CDC14A: variants seen among roughly 807,000 people sequenced by gnomAD.
The protein encoded by CDC14A is dual specificity protein phosphatase CDC14A.
In CDC14A, 53 loss-of-function variants were observed where a neutral mutation model predicts 74.4. The ratio of observed to expected loss-of-function variants is 0.71; its 90% confidence interval spans 0.57 to 0.89. The LOEUF is 0.89. Ranked by LOEUF, CDC14A falls within the 40% of genes least tolerant of loss-of-function variation. The pLI, the probability that CDC14A is intolerant of heterozygous loss-of-function variation, is 0.00. For synonymous variants in CDC14A, 247 were observed against 258.4 expected (o/e 0.96, Z 0.43); for missense variants, 646 against 713.7 (o/e 0.91, Z 1.08).
chr1:100,511,481 C>G (rs757382536), intron 15 of CDC14A, among the ~76,000 whole-genome samples: 1 of 152,218 alleles, frequency 6.6e-6, no homozygotes, highest in East Asian at 1.9e-4. Flanking sequence ...CTTACATTGG[C>G]TCTTTCTCTT....
At chr1:100,356,692 A>G (rs890010936) in intron 2 of CDC14A, among the ~76,000 whole-genome samples, 1 of 151,848 alleles carries the variant, frequency 6.6e-6, no homozygotes, top group Non-Finnish European at 1.5e-5. Context: ...CGTCTCTACT[A>G]AAAATACAAA....
At position 100,419,074 on chromosome 1, in the gene CDC14A, T is replaced by C. The variant is rs140039624; in HGVS notation, c.310-5148T>C. On this transcript the variant is annotated intron_variant, in intron 4 of 15. Coordinates refer to ENST00000336454, the MANE Select transcript of CDC14A (RefSeq NM_003672.4). ...GGTGGTGTGTACCTGTAGTCCTAGCTACTTGGGAGGCTGAGGTGGGAGGAT... is the reference window on the plus strand; with the variant it reads ...GGTGGTGTGTACCTGTAGTCCTAGCCACTTGGGAGGCTGAGGTGGGAGGAT... 2.3e-4 allele frequency among the ~76,000 whole-genome samples: 35 copies of C among 152,270 alleles called. No homozygotes were observed. The East Asian group carries it at 6.8e-3, about 29-fold the overall frequency.
rs767077478 is a variant in CDC14A, at chr1:100,368,659, A to G, written c.141-8887A>G. On this transcript the variant is annotated intron_variant, in intron 2 of 15. Transcript: ENST00000336454. ...GTATACAAGCATATTTTGTGATGCT[A>G]AGGTTTGGGGTATAAATGATCCTGT... 3.3e-5 allele frequency among the ~76,000 whole-genome samples: 5 copies of G among 152,262 alleles called. No individual in the cohort carries two copies. In the South Asian group the frequency reaches 1.0e-3, roughly 32 times the overall value.
At chr1:100,419,222 C>A (rs1661945947) in intron 4 of CDC14A, among the ~76,000 whole-genome samples, 1 of 152,126 alleles carries the variant, frequency 6.6e-6, no homozygotes, top group Non-Finnish European at 1.5e-5. Flanking sequence ...CTGACTGTGA[C>A]TGTGAAGAGA....
chr1:100,461,153 A>G (rs1667276814), intron 8 of CDC14A, among the ~76,000 whole-genome samples: 1 of 152,254 alleles, frequency 6.6e-6, no homozygotes. Flanking sequence ...TGGAGTTAGC[A>G]GAACCTGCTC....
At position 100,353,775 on chromosome 1, in the gene CDC14A, T is replaced by A; in HGVS notation, c.63T>A (p.Phe21Leu). The change falls in exon 2 of 16, where the codon TTT (phenylalanine) becomes TTA (leucine). Residue 21 changes from phenylalanine to leucine, a missense_variant. Transcript: ENST00000336454. ...CTTGTCTTTCAGATCGGTTATATTTTGCTACTTTAAGGAATAGACCAAAAA... is the reference window on the plus strand; with the variant it reads ...CTTGTCTTTCAGATCGGTTATATTTAGCTACTTTAAGGAATAGACCAAAAA... ...ACEFMKDRLY[F>L]ATLRNRPKST... is the part of the protein sequence containing the mutation. The A allele has an allele frequency of 6.3e-7, 1 of 1,588,628 alleles. No individual in the cohort carries two copies. Among genetic ancestry groups the A allele is most frequent in the Non-Finnish European group, 8.6e-7 (1 of 1,158,956 alleles).
intron 10 of CDC14A, among the ~76,000 whole-genome samples, chr1:100,482,261 A>C (rs1020999443): frequency 1.3e-5 from 2 of 152,146 alleles, no homozygotes; most frequent in African/African-American, 2.4e-5. Flanking sequence ...TTGTTCCTAA[A>C]GACTCTTAAA....
intron 8 of CDC14A, among the ~76,000 whole-genome samples, chr1:100,458,432 T>C (rs1039027780): frequency 6.6e-6 from 1 of 152,212 alleles, no homozygotes; most frequent in African/African-American, 2.4e-5. Flanking sequence ...CCTGTCATAT[T>C]GACATAAAAA....
intron 4 of CDC14A, among the ~76,000 whole-genome samples, chr1:100,414,583 T>A (rs1236860104): frequency 1.3e-5 from 2 of 152,198 alleles, no homozygotes; most frequent in African/African-American, 4.8e-5. Context: ...TGGAAAGTTT[T>A]ATGAAATGAA....
At chr1:100,394,879 A>T (rs1415670935) in intron 4 of CDC14A, among the ~76,000 whole-genome samples, 1 of 152,236 alleles carries the variant, frequency 6.6e-6, no homozygotes, top group Non-Finnish European at 1.5e-5. Flanking sequence ...CTTGTAAGAT[A>T]GTCAATAATA....
At chr1:100,351,546 T>C (rs1650998172), upstream of CDC14A, among the ~76,000 whole-genome samples, 1 of 152,204 alleles carries the variant, frequency 6.6e-6, no homozygotes, top group Non-Finnish European at 1.5e-5. Flanking sequence ...CTGGAGCGCT[T>C]CAGCTGAGAC....
At position 100,499,052 on chromosome 1, in the gene CDC14A, C is replaced by T. The variant is rs760421380; in HGVS notation, c.1545C>T (p.Asn515=). ...GCTTCACAGCCAGCCCGTTTACCAA[C>T]CTCTTGAATGGCAGCTCCCAGCCAA... ...KAGFTASPFT[N]LLNGSSQPTT... The change falls in exon 15 of 16, where the codon AAC becomes AAT. Residue 515 remains asparagine, a synonymous_variant. Transcript: ENST00000336454. 3.1e-6 allele frequency: 5 copies of T among 1,614,178 alleles called. No homozygotes were observed. The East Asian group carries it at 1.1e-4, about 36-fold the overall frequency.
chr1:100,484,445 T>C lies in CDC14A; in HGVS notation c.1131T>C (p.Phe377=). The C allele has an allele frequency of 6.3e-7, 1 of 1,597,890 alleles. No individual in the cohort carries two copies. The highest frequency in any genetic ancestry group is 1.1e-5 in the South Asian group (1 of 87,510). The change falls in exon 11 of 16, where the codon TTT becomes TTC. Residue 377 remains phenylalanine, a synonymous_variant. Transcript: ENST00000336454. ...NLSKTQNMER[F]GEDNLEDDDV... The stretch of plus-strand genomic sequence containing the variant: ...CAAAAACACAAAACATGGAACGATT[T>C]GGAGAGGTAAGTTTTCCCTAGGAGA...
In CDC14A at chr1:100,473,531, C is replaced by T. The variant is rs144682244; in HGVS notation, c.977+5437C>T. Among the ~76,000 whole-genome samples the T allele has an allele frequency of 2.9e-3, 442 of 152,118 alleles. 4 individuals carry two copies. The East Asian group carries it at 0.036, about 12-fold the overall frequency. ...CCTCCCAAGTAGCTGGGATTACAGG[C>T]GTGTGCCACCACGCCCGGCTAATTT... On this transcript the variant is annotated intron_variant, in intron 10 of 15. Coordinates refer to ENST00000336454, the MANE Select transcript of CDC14A (RefSeq NM_003672.4).
chr1:100,453,923 C>G (rs954252417), intron 7 of CDC14A, among the ~76,000 whole-genome samples: 1 of 152,094 alleles, frequency 6.6e-6, no homozygotes, highest in African/African-American at 2.4e-5. Context: ...ATTACAGGCG[C>G]GAGCCGCCAC....
chr1:100,345,830 T>A (rs1650363278), intron 1 of CDC14A, among the ~76,000 whole-genome samples: 2 of 152,222 alleles, frequency 1.3e-5, no homozygotes, highest in South Asian at 4.1e-4. Context: ...GCTAGAAATA[T>A]GTAGAGTAGA....
intron 5 of CDC14A, among the ~76,000 whole-genome samples, chr1:100,439,553 A>T (rs1369973262): frequency 1.3e-5 from 2 of 152,200 alleles, no homozygotes; most frequent in Non-Finnish European, 2.9e-5. Flanking sequence ...ATTTTAAAAA[A>T]CATAATCTGA....
At chr1:100,384,014 T>C (rs565744426) in intron 3 of CDC14A, among the ~76,000 whole-genome samples, 1 of 152,334 alleles carries the variant, frequency 6.6e-6, no homozygotes, top group South Asian at 2.1e-4. Context: ...TTTGTTGCCA[T>C]AATCCAAGTG....
chr1:100,420,059 C>CATATATATATATATAT (rs1324396801), intron 4 of CDC14A, among the ~76,000 whole-genome samples: 36 of 24,298 alleles, frequency 1.5e-3, no homozygotes, highest in African/African-American at 4.5e-3. Context: ...CACACACACA[C>CATATATATATATATAT]ACACATATAT....
Sources: gnomAD v4.1 joint callset for allele counts (sites outside exome capture counted in the v4.1 genomes callset) on GRCh38, gnomAD v4.1.1 for gene constraint, MANE v1.5 for transcripts, NCBI Gene and HGNC (gene_info 2026-07-23, HGNC 2026-07-21) for gene names.